The following HIVEP3 variants were observed in gnomAD, a reference collection of about 807,000 sequenced individuals.
HIVEP3 encodes the protein HIVEP zinc finger 3.
HIVEP3 carries 49 observed loss-of-function variants against 152.8 expected under a neutral mutation model. That is an observed-to-expected ratio of 0.32 (90% CI 0.26 to 0.41). The LOEUF (loss-of-function observed/expected upper bound fraction) is 0.41, where lower values mean the gene tolerates loss of function less well. Ranked by LOEUF, HIVEP3 falls within the 10% of genes least tolerant of loss-of-function variation. HIVEP3 has a pLI of 1.00. For missense variants in HIVEP3, 2,790 were observed against 3,103.3 expected (o/e 0.90, Z 2.40); for synonymous variants, 1,269 against 1,289.0 (o/e 0.98, Z 0.33).
chr1:41,633,450 G>C (rs984259849), intron 2 of HIVEP3, among the ~76,000 whole-genome samples: 3 of 152,126 alleles, frequency 2.0e-5, no homozygotes, highest in African/African-American at 7.2e-5. Context: ...AAAAAGAGTG[G>C]ATCCTCTCAG....
At position 41,918,345 on chromosome 1, in the gene HIVEP3, A is replaced by G. The variant is rs1391214019; in HGVS notation, c.-801+68T>C. 2 of 152,458 alleles carry G rather than the reference A, an allele frequency of 1.3e-5. No individual in the cohort carries two copies. Among genetic ancestry groups the G allele is most frequent in the East Asian group, 3.9e-4 (2 of 5,170 alleles). 9.4% of individuals were successfully genotyped at this position (152,458 alleles called of 1,614,324 possible). On this transcript the variant is annotated intron_variant, in intron 1 of 8. Coordinates refer to ENST00000372583, the MANE Select transcript of HIVEP3 (RefSeq NM_024503.5). The surrounding 1 kb of genome is among the most constrained non-coding windows in gnomAD (Gnocchi z 4.3). ...GCTTCGCGGTGCGGCCTCAGGCAAA[A>G]ACACAATCACAAGGTAAAATACAGC...
At chr1:41,896,264 A>G (rs1451448781) in intron 1 of HIVEP3, among the ~76,000 whole-genome samples, 1 of 152,220 alleles carries the variant, frequency 6.6e-6, no homozygotes, top group African/African-American at 2.4e-5. Context: ...TTTGTTTTTT[A>G]AAAAGCTTCA....
rs777784072 is a variant in HIVEP3 at position 41,651,285 on chromosome 1, C to A, written c.-720-22338G>T. On this transcript the variant is annotated intron_variant, in intron 2 of 8. Transcript: ENST00000372583. Reference sequence around the variant, plus strand: ...AATTAGCTGGGCATGGTGGCACACGCTTGTAATCCCAGCTACTTGGGAGGC... The same window carrying A: ...AATTAGCTGGGCATGGTGGCACACGATTGTAATCCCAGCTACTTGGGAGGC... Among the ~76,000 whole-genome samples, 69 of 152,122 alleles carry A rather than the reference C, an allele frequency of 4.5e-4. 1 individual carries two copies. The highest frequency in any genetic ancestry group is 1.6e-3 in the African/African-American group (68 of 41,524).
intron 6 of HIVEP3, among the ~76,000 whole-genome samples, chr1:41,523,463 A>G (rs913718923): frequency 2.6e-5 from 4 of 152,140 alleles, no homozygotes; most frequent in Non-Finnish European, 4.4e-5. Flanking sequence ...GATGATGGCG[A>G]GGGGACAGAG....
chr1:41,643,465 G>C (rs1482351978), intron 2 of HIVEP3, among the ~76,000 whole-genome samples: 1 of 152,234 alleles, frequency 6.6e-6, no homozygotes, highest in African/African-American at 2.4e-5. Flanking sequence ...GAACAGACGA[G>C]TGCATGAATA....
At chr1:41,671,478 G>A (rs1645875089) in intron 2 of HIVEP3, among the ~76,000 whole-genome samples, 1 of 152,176 alleles carries the variant, frequency 6.6e-6, no homozygotes, top group African/African-American at 2.4e-5. Context: ...TGACCAATAG[G>A]CCCTGCCATG....
At chr1:41,537,991 A>G (rs768043017) in intron 5 of HIVEP3, among the ~76,000 whole-genome samples, 2 of 152,246 alleles carry the variant, frequency 1.3e-5, no homozygotes, top group African/African-American at 2.4e-5. Context: ...TATAAAGCTA[A>G]ATAAAACCCT....
In HIVEP3 at chr1:41,581,832, C is replaced by T. The variant is rs760686115; in HGVS notation, c.2966G>A (p.Arg989Gln). The part of the protein sequence containing the change: ...PSHHPHAREM[R>Q]RSASEQSPNV... ...GGGGCTCTGCTCTGAGGCTGACCTC[C>T]GCATCTCTCGGGCATGTGGGTGGTG... The change falls in exon 4 of 9, where the codon CGG becomes CAG. Residue 989 changes from arginine to glutamine, a missense_variant. By Grantham distance (43) the Arg-to-Gln change is conservative. Transcript: ENST00000372583. The surrounding 1 kb of genome is among the most constrained non-coding windows in gnomAD (Gnocchi z 4.5). 234 of 1,594,324 alleles carry T rather than the reference C, an allele frequency of 1.5e-4. No individual in the cohort carries two copies. Among genetic ancestry groups the T allele is most frequent in the Non-Finnish European group, 1.9e-4 (223 of 1,169,714 alleles).
At chr1:41,531,996 C>A (rs1170738665) in intron 5 of HIVEP3, among the ~76,000 whole-genome samples, 1 of 108,824 alleles carries the variant, frequency 9.2e-6, no homozygotes. Context: ...AGATGGAGGA[C>A]AGGGGAGATG....
chr1:41,557,412 C>T (rs114194463), intron 5 of HIVEP3, among the ~76,000 whole-genome samples: 2,206 of 152,086 alleles, frequency 0.015, 65 homozygotes, highest in African/African-American at 0.047. Context: ...GGTATGGGTG[C>T]GGAGGGAGAT....
chr1:42,027,733 C>G (rs1436463028), intron 1 of HIVEP3, among the ~76,000 whole-genome samples: 1 of 152,132 alleles, frequency 6.6e-6, no homozygotes, highest in Non-Finnish European at 1.5e-5. Flanking sequence ...GGGGAGGCCT[C>G]AAAATCATGG....
At chr1:41,706,671 AT>A (rs1340569989) in intron 1 of HIVEP3, among the ~76,000 whole-genome samples, 1 of 152,208 alleles carries the variant, frequency 6.6e-6, no homozygotes, top group Non-Finnish European at 1.5e-5. Flanking sequence ...ATGGGTTTTA[AT>A]TGTCTGGCAG....
intron 5 of HIVEP3, among the ~76,000 whole-genome samples, chr1:41,574,023 C>G (rs1309370702): frequency 6.6e-6 from 1 of 152,158 alleles, no homozygotes; most frequent in African/African-American, 2.4e-5. Context: ...AGCTGCCTTT[C>G]TGGAGGCTCA....
intron 1 of HIVEP3, among the ~76,000 whole-genome samples, chr1:41,953,595 C>T (rs139456167): frequency 1.4e-4 from 21 of 152,310 alleles, no homozygotes; most frequent in East Asian, 3.9e-4. Context: ...AGCCCCACCC[C>T]ATGCTCAGTT....
intron 2 of HIVEP3, among the ~76,000 whole-genome samples, chr1:41,634,403 A>T (rs1046056813): frequency 6.6e-6 from 1 of 152,168 alleles, no homozygotes; most frequent in African/African-American, 2.4e-5. Context: ...CTGTGTGGGG[A>T]GAGGGGAAGG....
intron 1 of HIVEP3, among the ~76,000 whole-genome samples, chr1:41,805,699 G>A (rs1650563216): frequency 6.6e-6 from 1 of 152,218 alleles, no homozygotes; most frequent in Admixed American, 6.5e-5. Context: ...TAGACCTTGT[G>A]TTCTTCCATT....
chr1:41,817,685 C>T (rs1642452497), intron 1 of HIVEP3, among the ~76,000 whole-genome samples: 1 of 152,048 alleles, frequency 6.6e-6, no homozygotes, highest in Non-Finnish European at 1.5e-5. Flanking sequence ...CTAAGGTGGA[C>T]GAGGAGAAAT....
chr1:41,579,386 A>G (rs1644366446), intron 4 of HIVEP3, among the ~76,000 whole-genome samples: 1 of 152,258 alleles, frequency 6.6e-6, no homozygotes, highest in Admixed American at 6.5e-5. Flanking sequence ...TAAAATTGCT[A>G]CAGGCATTCC....
intron 1 of HIVEP3, among the ~76,000 whole-genome samples, chr1:41,801,475 C>T (rs1019118353): frequency 1.8e-4 from 28 of 152,146 alleles, no homozygotes; most frequent in Non-Finnish European, 3.1e-4. Flanking sequence ...GGTAGTAGTT[C>T]CAGCCTTGGT....
Sources: allele counts gnomAD v4.1 joint callset (sites outside exome capture counted in the v4.1 genomes callset), GRCh38; gene constraint gnomAD v4.1.1; non-coding constraint Gnocchi (gnomAD v3.1); transcripts MANE v1.5; gene names NCBI Gene and HGNC (gene_info 2026-07-23, HGNC 2026-07-21).